Variants in ZCCHC14 observed in about 807,000 individuals in gnomAD.
ZCCHC14 encodes the protein zinc finger CCHC domain-containing protein 14.
ZCCHC14 carries 16 observed loss-of-function variants against 85.0 expected under a neutral mutation model. That is an observed-to-expected ratio of 0.19 (90% CI 0.13 to 0.29). ZCCHC14 has a LOEUF of 0.29. ZCCHC14 is among the 10% of genes least tolerant of loss of function. The pLI, the probability that ZCCHC14 is intolerant of heterozygous loss-of-function variation, is 1.00. For missense variants in ZCCHC14, 1,303 were observed against 1,443.5 expected (o/e 0.90, Z 1.58); for synonymous variants, 775 against 630.7 (o/e 1.23, Z -3.43).
At chr16:87,467,994 C>T (rs1263712196) in intron 1 of ZCCHC14, among the ~76,000 whole-genome samples, 1 of 152,148 alleles carries the variant, frequency 6.6e-6, no homozygotes, top group East Asian at 1.9e-4. Context: ...GCGCCTGGCT[C>T]CCAAAGTACT....
chr16:87,455,719 T>A (rs1910923385), intron 2 of ZCCHC14, among the ~76,000 whole-genome samples: 2 of 151,792 alleles, frequency 1.3e-5, no homozygotes, highest in South Asian at 4.2e-4. Context: ...ATGGCTGGAG[T>A]TGACGATTTT....
intron 2 of ZCCHC14, among the ~76,000 whole-genome samples, 157 bp from the exon 3 acceptor site, chr16:87,433,358 A>C (rs79448116): frequency 0.017 from 2,526 of 152,310 alleles, 25 homozygotes; most frequent in Middle Eastern, 0.044. Context: ...CAGAGCCCAG[A>C]GAGGAAGGCG....
chr16:87,418,227 A>G (rs1016311926), intron 7 of ZCCHC14, among the ~76,000 whole-genome samples: 22 of 152,228 alleles, frequency 1.4e-4, no homozygotes, highest in Admixed American at 9.2e-4. Context: ...TAATGTTCAA[A>G]TACAATTTTT....
At chr16:87,462,483 G>A (rs1249323495) in intron 1 of ZCCHC14, among the ~76,000 whole-genome samples, 1 of 151,996 alleles carries the variant, frequency 6.6e-6, no homozygotes, top group Non-Finnish European at 1.5e-5. Context: ...GCTCACGCCT[G>A]TAATCCCAGC....
chr16:87,457,304 C>A (rs1315228625), intron 2 of ZCCHC14, among the ~76,000 whole-genome samples: 1 of 152,358 alleles, frequency 6.6e-6, no homozygotes, highest in East Asian at 1.9e-4. Flanking sequence ...TCAGTACAGT[C>A]CCACCTTTCT....
In ZCCHC14 at chr16:87,419,829, C is replaced by T. The variant is rs186221578; in HGVS notation, c.999G>A (p.Arg333=). The T allele has an allele frequency of 1.6e-5, 26 of 1,613,048 alleles. No homozygotes were observed. In the East Asian group the frequency reaches 5.3e-4, roughly 33 times the overall value. ...PSHVLKNDHV[R]RFLSTSSPPQ... is the part of the protein sequence containing the mutation. ...GGGGAGAGGAAGTGCTGAGAAACCT[C>T]CTGACATGGTCATTTTTCAACACGT... Residue 333 remains arginine (R), a synonymous_variant, in exon 6 of 13, where the codon AGG becomes AGA. Transcript: ENST00000671377.
In ZCCHC14 at chr16:87,491,543, G is replaced by C; in HGVS notation, c.570+126C>G. The C allele has an allele frequency of 1.2e-6, 1 of 840,894 alleles. No homozygotes were observed. Among genetic ancestry groups the C allele is most frequent in the South Asian group, 2.7e-5 (1 of 37,626 alleles). 52.1% of individuals were successfully genotyped at this position (840,894 alleles called of 1,614,324 possible). ...GGCTCGTGGTGCAGGTTGGAGACCT[G>C]GGTGGGAGCTCTCAGTGCAGGCTGG... On this transcript the variant is annotated intron_variant, in intron 1 of 12. Transcript: ENST00000671377. The surrounding 1 kb of genome is among the most constrained non-coding windows in gnomAD (Gnocchi z 5.9).
chr16:87,455,265 G>T (rs1003664118), intron 2 of ZCCHC14, among the ~76,000 whole-genome samples: 11 of 151,990 alleles, frequency 7.2e-5, no homozygotes, highest in Non-Finnish European at 1.5e-4. Flanking sequence ...TCCAGCCTGG[G>T]CAACAAGAGT....
rs992370719 is a variant in ZCCHC14, at chr16:87,469,335, A to C, written c.571-9204T>G. Among the ~76,000 whole-genome samples the C allele has an allele frequency of 3.0e-4, 46 of 152,300 alleles. No homozygotes were observed. The Middle Eastern group carries it at 0.01, about 34-fold the overall frequency. On this transcript the variant is annotated intron_variant, in intron 1 of 12. Transcript: ENST00000671377. ...TTATCTCCATGTTAAAAACAAGAAA[A>C]ACTGAATGTCAGTTCCTAAATGCCT...
chr16:87,444,670 A>C (rs7198305), intron 2 of ZCCHC14, among the ~76,000 whole-genome samples: 26 of 151,618 alleles, frequency 1.7e-4, no homozygotes, highest in Admixed American at 1.7e-3. Context: ...GAGAAGTATC[A>C]AACAAACCCA....
At position 87,462,899 on chromosome 16, in the gene ZCCHC14, T is replaced by A. The variant is rs1011540172; in HGVS notation, c.571-2768A>T. On this transcript the variant is annotated intron_variant, in intron 1 of 12. Coordinates refer to ENST00000671377, the MANE Select transcript of ZCCHC14 (RefSeq NM_015144.3). The stretch of plus-strand genomic sequence containing the variant: ...AGCCTGACCAACATGGTGAAACCCG[T>A]CTCTACTAAAAATACGAAATTAGCC... Among the ~76,000 whole-genome samples the A allele has an allele frequency of 3.3e-5, 5 of 150,524 alleles. 1 individual carries two copies. Among genetic ancestry groups the A allele is most frequent in the African/African-American group, 1.2e-4 (5 of 40,642 alleles).
chr16:87,414,451 G>C lies in ZCCHC14; in HGVS notation c.1566C>G (p.Val522=). ...GVARVPPTSH[V]GPVQSGRGSH... ...TGCCCCGCCCCGACTGCACGGGCCC[G>C]ACGTGGCTGGTGGGGGGCACTCGAG... is the stretch of plus-strand genomic sequence containing the variant. The change falls in exon 10 of 13, where the codon GTC becomes GTG. Residue 522 remains valine, a synonymous_variant. Transcript: ENST00000671377. 1 of 1,613,188 alleles carries C rather than the reference G, an allele frequency of 6.2e-7. No individual in the cohort carries two copies. Among genetic ancestry groups the C allele is most frequent in the Non-Finnish European group, 8.5e-7 (1 of 1,179,964 alleles).
chr16:87,429,763 C>T (rs549103141), intron 3 of ZCCHC14, among the ~76,000 whole-genome samples: 18 of 152,330 alleles, frequency 1.2e-4, no homozygotes, highest in South Asian at 1.0e-3. Context: ...CCAGCTACCA[C>T]GCCTGGCTAA....
intron 2 of ZCCHC14, among the ~76,000 whole-genome samples, chr16:87,447,073 T>C (rs1212349092): frequency 6.6e-6 from 1 of 152,170 alleles, no homozygotes; most frequent in Non-Finnish European, 1.5e-5. Context: ...TATAACGTCA[T>C]CTAAGACTCA....
rs1216519379 is a variant in ZCCHC14 at position 87,492,948 on chromosome 16, C to T, written c.-710G>A. On this transcript the variant is annotated 5_prime_UTR_variant, in exon 1 of 13. Transcript: ENST00000671377. The surrounding 1 kb of genome is among the most constrained non-coding windows in gnomAD (Gnocchi z 6.7). ...ACGGCGACGGCGACGGCGACGGCGA[C>T]GGCGGAGGAGGCGCCGGCCGAGGAG... 6.6e-6 allele frequency among the ~76,000 whole-genome samples: 1 copy of T among 150,824 alleles called. No homozygotes were observed. The highest frequency in any genetic ancestry group is 1.5e-5 in the Non-Finnish European group (1 of 67,672).
At chr16:87,414,892 C>A (rs1372968723) in intron 9 of ZCCHC14, among the ~76,000 whole-genome samples, 1 of 152,080 alleles carries the variant, frequency 6.6e-6, no homozygotes, top group Non-Finnish European at 1.5e-5. Flanking sequence ...ATCAGCTTGG[C>A]CAATATGGTA....
In ZCCHC14 at chr16:87,491,677, A is replaced by G; in HGVS notation, c.562T>C (p.Cys188Arg). The G allele has an allele frequency of 7.1e-7, 1 of 1,416,356 alleles. No homozygotes were observed. Among genetic ancestry groups the G allele is most frequent in the Non-Finnish European group, 9.2e-7 (1 of 1,091,398 alleles). 87.7% of individuals were successfully genotyped at this position (1,416,356 alleles called of 1,614,324 possible). ...TCGGGGCGGGCACGCACCTTGTGGC[A>G]GGCTGGGCAAGTGGGCAGCGCGCCG... The part of the protein sequence containing the change: ...PGGALPTCPA[C>R]HKITPRTEAP... The change falls in exon 1 of 13, where the codon TGC becomes CGC. Residue 188 changes from cysteine (C) to arginine (R), a missense_variant. Physicochemically the swap from Cys to Arg is radical, Grantham distance 180. Around this residue, in one of 7 missense-constraint regions of ZCCHC14, gnomAD observed 389 missense variants for 397.8 expected, o/e 0.98. Coordinates refer to ENST00000671377, the MANE Select transcript of ZCCHC14 (RefSeq NM_015144.3). This position sits in a 1 kb window ranked among gnomAD's most constrained non-coding sequence, Gnocchi z 5.9.
At chr16:87,472,469 A>T (rs1911813916) in intron 1 of ZCCHC14, 1 of 152,336 alleles carries the variant, frequency 6.6e-6, no homozygotes, top group Admixed American at 6.5e-5. Context: ...TTCTCTCTCA[A>T]CACGGCCCCA....
chr16:87,472,488 ACCACCAGCAGCACCGCTGTGGCGCGGG>A (rs1287432620), intron 1 of ZCCHC14: 1 of 152,414 alleles, frequency 6.6e-6, no homozygotes, highest in East Asian at 1.9e-4. Context: ...CACAGAGCAG[ACCACCAGCAGCACCGCTGTGGCGCGGG>A]CCGGGTCGGG....
Sources: gnomAD v4.1 joint callset for allele counts (sites outside exome capture counted in the v4.1 genomes callset) on GRCh38, gnomAD v4.1.1 for gene constraint, gnomAD v4.1.1 regional missense constraint, Gnocchi (gnomAD v3.1) non-coding constraint, MANE v1.5 for transcripts, NCBI Gene and HGNC (gene_info 2026-07-23, HGNC 2026-07-21) for gene names.